The following MAP3K5 variants were observed in gnomAD, a reference collection of about 807,000 sequenced individuals.
The protein encoded by MAP3K5 is ASK-1.
Under a neutral mutation model 158.7 loss-of-function variants are expected in MAP3K5, and 56 were observed. The ratio of observed to expected loss-of-function variants is 0.35; its 90% CI spans 0.28 to 0.44. MAP3K5 has a LOEUF of 0.44. Among genes scored for constraint, MAP3K5 ranks in the 20% least tolerant of loss-of-function variants. MAP3K5 has a pLI of 1.00. For synonymous variants in MAP3K5, 579 were observed against 601.7 expected, an observed-to-expected ratio of 0.96 and a Z score of 0.55; for missense variants, 1,294 against 1,674.8, an observed-to-expected ratio of 0.77 and a Z score of 3.97.
At chr6:136,564,087 T>C (rs1361101728) in intron 26 of MAP3K5, among the ~76,000 whole-genome samples, 1 of 152,192 alleles carries the variant, frequency 6.6e-6, no homozygotes, top group South Asian at 2.1e-4. Context: ...CCAGAAAAGA[T>C]TATTGTGAGC....
At chr6:136,754,308 G>C (rs1783363313) in intron 1 of MAP3K5, among the ~76,000 whole-genome samples, 1 of 151,782 alleles carries the variant, frequency 6.6e-6, no homozygotes, top group African/African-American at 2.4e-5. Context: ...GCTGGGTGCA[G>C]TGGCTCACAC....
Position 136,583,739 on chromosome 6 carries a change from C to T in MAP3K5, c.3227G>A (p.Gly1076Glu). The change falls in exon 24 of 30, where the codon GGG (glycine) becomes GAG (glutamate). Residue 1076 changes from glycine to glutamate, a missense_variant and splice_region_variant. Transcript: ENST00000359015. The stretch of plus-strand genomic sequence containing the variant: ...CCATTTTAGTTTCGGTTCTTCAGCC[C>T]CCTGTGAATAAAAATCAACAATCCT... Reference protein sequence around the residue: ...VRNLMESLAQGAEEPKLKWEH... With the variant: ...VRNLMESLAQEAEEPKLKWEH... 6.2e-7 allele frequency: 1 copy of T among 1,613,406 alleles called. No individual in the cohort carries two copies. The highest frequency in any genetic ancestry group is 8.5e-7 in the Non-Finnish European group (1 of 1,179,552).
upstream of MAP3K5, among the ~76,000 whole-genome samples, chr6:136,792,996 T>G (rs753064664): frequency 1.2e-4 from 19 of 152,118 alleles, no homozygotes; most frequent in Admixed American, 4.6e-4. This position sits in a 1 kb window ranked among gnomAD's most constrained non-coding sequence, Gnocchi z 5.7. Flanking sequence ...GCGCGTGGCA[T>G]AGGGTCCCAG....
At chr6:136,774,934 C>T (rs1784348857) in intron 1 of MAP3K5, among the ~76,000 whole-genome samples, 1 of 152,198 alleles carries the variant, frequency 6.6e-6, no homozygotes, top group Non-Finnish European at 1.5e-5. Context: ...TTGACTTTTT[C>T]AGTTGTTCCT....
intron 1 of MAP3K5, among the ~76,000 whole-genome samples, chr6:136,790,059 T>C (rs1158353761): frequency 6.6e-6 from 1 of 152,088 alleles, no homozygotes; most frequent in Non-Finnish European, 1.5e-5. Context: ...TCCCTATGAA[T>C]CCTAGGGCCA....
intron 8 of MAP3K5, among the ~76,000 whole-genome samples, chr6:136,666,958 T>C (rs970066618): frequency 6.6e-6 from 1 of 152,208 alleles, no homozygotes; most frequent in African/African-American, 2.4e-5. Context: ...TACAAGTGAG[T>C]TCTTCCTGAA....
intron 23 of MAP3K5, among the ~76,000 whole-genome samples, chr6:136,584,895 A>G (rs890165884): frequency 5.9e-5 from 9 of 152,166 alleles, no homozygotes; most frequent in Admixed American, 1.3e-4. Flanking sequence ...GTGTCTACCT[A>G]TAACATGTCC....
At chr6:136,790,670 C>A (rs895047788) in intron 1 of MAP3K5, among the ~76,000 whole-genome samples, 1 of 152,146 alleles carries the variant, frequency 6.6e-6, no homozygotes, top group African/African-American at 2.4e-5. Flanking sequence ...GAATTGAAAA[C>A]AAGATTGGAA....
chr6:136,792,515 C>G (rs1233624351), upstream of MAP3K5: 5 of 365,004 alleles, frequency 1.4e-5, no homozygotes, highest in Non-Finnish European at 1.9e-5. This position sits in a 1 kb window ranked among gnomAD's most constrained non-coding sequence, Gnocchi z 5.7. Flanking sequence ...GGGCGCCGCG[C>G]TCGGGGTGCA....
chr6:136,581,336 T>G (rs1774866374), intron 24 of MAP3K5, among the ~76,000 whole-genome samples: 1 of 152,224 alleles, frequency 6.6e-6, no homozygotes, highest in South Asian at 2.1e-4. Context: ...TTGTATGTAT[T>G]TATCATGTGC....
intron 17 of MAP3K5, 52 bp from the exon 18 acceptor site, chr6:136,611,439 C>A: frequency 9.9e-7 from 1 of 1,014,334 alleles, no homozygotes; most frequent in Non-Finnish European, 1.5e-6. Context: ...CAGATACTGT[C>A]TGTTGTTGAC....
In MAP3K5 at chr6:136,778,017, C is replaced by T. The variant is rs529654202; in HGVS notation, c.448+13693G>A. ...CTGAAAAGATTAATACAAAGGACTTCAAATTCCACTACTAGGAAAATAATA... is the reference window on the plus strand; with the variant it reads ...CTGAAAAGATTAATACAAAGGACTTTAAATTCCACTACTAGGAAAATAATA... On this transcript the variant is annotated intron_variant, in intron 1 of 29. Coordinates refer to ENST00000359015, the MANE Select transcript of MAP3K5 (RefSeq NM_005923.4). Among the ~76,000 whole-genome samples the T allele has an allele frequency of 9.8e-5, 15 of 152,288 alleles. No homozygotes were observed. The South Asian group carries it at 2.1e-3, about 21-fold the overall frequency.
rs200492399 is a variant in MAP3K5, at chr6:136,658,293, T to TTTTC, written c.1526+922_1526+925dup. Among the ~76,000 whole-genome samples, 1,306 of 133,048 alleles carry TTTTC rather than the reference T, an allele frequency of 9.8e-3. 47 individuals carry two copies. Among genetic ancestry groups the TTTTC allele is most frequent in the African/African-American group, 0.033 (1,158 of 35,036 alleles). 87.3% of individuals were successfully genotyped at this position (133,048 alleles called of 152,430 possible). A position where few individuals can be genotyped will look rare whatever the true frequency, so the allele number is the denominator to read the frequency against. The stretch of plus-strand genomic sequence containing the variant: ...CTAATAAAAATTCTTTTTCTTTTTC[T>TTTTC]TTTCTTTCTTTCTTTCTTTCTTTTT... On this transcript the variant is annotated intron_variant, in intron 9 of 29. Transcript: ENST00000359015.
intron 4 of MAP3K5, 80 bp from the exon 5 acceptor site, chr6:136,697,467 G>T (rs1780649864): frequency 1.5e-5 from 17 of 1,152,540 alleles, no homozygotes; most frequent in Non-Finnish European, 2.0e-5. Flanking sequence ...ATAAAGACAT[G>T]AATGATATTG....
intron 28 of MAP3K5, among the ~76,000 whole-genome samples, chr6:136,561,213 C>T (rs975995058): frequency 6.6e-6 from 1 of 152,270 alleles, no homozygotes; most frequent in African/African-American, 2.4e-5. Flanking sequence ...AACATACATA[C>T]AATTGGCCTA....
intron 5 of MAP3K5, among the ~76,000 whole-genome samples, chr6:136,696,331 T>C (rs1352822645): frequency 6.6e-6 from 1 of 152,234 alleles, no homozygotes; most frequent in Non-Finnish European, 1.5e-5. Flanking sequence ...AGCATGATAG[T>C]GCTCTACTGT....
intron 29 of MAP3K5, among the ~76,000 whole-genome samples, chr6:136,558,147 G>A (rs1403710397): frequency 6.6e-6 from 1 of 152,206 alleles, no homozygotes; most frequent in African/African-American, 2.4e-5. Context: ...AGAAGGCCGA[G>A]GCAGGCAGAT....
At chr6:136,703,545 T>C (rs1780942680) in intron 3 of MAP3K5, among the ~76,000 whole-genome samples, 1 of 152,246 alleles carries the variant, frequency 6.6e-6, no homozygotes, top group Admixed American at 6.5e-5. Context: ...AAGCCTGGCG[T>C]GCAGCGCATG....
At chr6:136,756,192 C>T (rs988335832) in intron 1 of MAP3K5, among the ~76,000 whole-genome samples, 12 of 151,584 alleles carry the variant, frequency 7.9e-5, no homozygotes, top group Non-Finnish European at 1.8e-4. Context: ...GTGGTGCATG[C>T]CTGTAGTCCT....
Sources: gnomAD v4.1 joint callset for allele counts (sites outside exome capture counted in the v4.1 genomes callset) on GRCh38, gnomAD v4.1.1 for gene constraint, Gnocchi (gnomAD v3.1) non-coding constraint, MANE v1.5 for transcripts, NCBI Gene and HGNC (gene_info 2026-07-23, HGNC 2026-07-21) for gene names.